The following CDH13 variants were observed in gnomAD, a reference collection of about 807,000 sequenced individuals.
The protein encoded by CDH13 is cadherin 13.
In CDH13, 24 loss-of-function variants were observed where a neutral mutation model predicts 63.8. The observed-to-expected ratio is 0.38, with a 90% CI of 0.27 to 0.53. The LOEUF (loss-of-function observed/expected upper bound fraction) is 0.53, where lower values mean the gene tolerates loss of function less well. Ranked by LOEUF, CDH13 falls within the 20% of genes least tolerant of loss-of-function variation. CDH13 has a pLI of 0.85. For synonymous variants in CDH13, 503 were observed against 355.3 expected (o/e 1.42, Z -4.67); for missense variants, 1,049 against 903.1 (o/e 1.16, Z -2.07).
intron 6 of CDH13, among the ~76,000 whole-genome samples, chr16:83,478,805 C>G (rs1414550309): frequency 1.4e-5 from 2 of 147,030 alleles, no homozygotes; most frequent in South Asian, 4.3e-4. Flanking sequence ...AACCTCCCAC[C>G]TGGCTGGCCA....
intron 2 of CDH13, among the ~76,000 whole-genome samples, chr16:82,872,802 A>G (rs1344621836): frequency 1.3e-5 from 2 of 152,208 alleles, no homozygotes; most frequent in Non-Finnish European, 2.9e-5. Context: ...TTGAGTCCCT[A>G]CCACTCATTT....
At chr16:82,687,980 A>G (rs1915253588) in intron 1 of CDH13, among the ~76,000 whole-genome samples, 1 of 152,198 alleles carries the variant, frequency 6.6e-6, no homozygotes, top group African/African-American at 2.4e-5. Flanking sequence ...GTCCATTGCC[A>G]CAATGAAACA....
chr16:83,097,673 T>C (rs1186469354), intron 3 of CDH13, among the ~76,000 whole-genome samples: 1 of 152,186 alleles, frequency 6.6e-6, no homozygotes, highest in East Asian at 1.9e-4. Context: ...ATGTGGGAAG[T>C]GCACTCTAGG....
chr16:83,471,722 A>G (rs1297737491), intron 6 of CDH13, among the ~76,000 whole-genome samples: 1 of 152,180 alleles, frequency 6.6e-6, no homozygotes, highest in East Asian at 1.9e-4. Context: ...CCTGGGCTCT[A>G]AACCACTACT....
intron 2 of CDH13, among the ~76,000 whole-genome samples, chr16:83,013,618 A>T (rs1914380758): frequency 6.6e-6 from 1 of 152,228 alleles, no homozygotes; most frequent in South Asian, 2.1e-4. Context: ...AAAGCAGATG[A>T]ACAGAAAATC....
At chr16:83,120,826 C>T (rs1393856857) in intron 3 of CDH13, among the ~76,000 whole-genome samples, 6 of 138,106 alleles carry the variant, frequency 4.3e-5, no homozygotes, top group Middle Eastern at 4.4e-3. Flanking sequence ...TACAGTGGCG[C>T]GATCTCAGCT....
intron 6 of CDH13, among the ~76,000 whole-genome samples, chr16:83,483,557 T>C (rs1286470989): frequency 2.6e-5 from 4 of 152,008 alleles, no homozygotes; most frequent in Admixed American, 1.3e-4. Context: ...ATGACTTCAA[T>C]TAAAGGCAGA....
intron 6 of CDH13, among the ~76,000 whole-genome samples, chr16:83,354,217 G>A (rs1484931464): frequency 6.6e-6 from 1 of 152,190 alleles, no homozygotes; most frequent in Non-Finnish European, 1.5e-5. Context: ...CAGCGCCGTT[G>A]GATCCTATCC....
intron 7 of CDH13, among the ~76,000 whole-genome samples, chr16:83,571,493 T>C (rs1904617394): frequency 6.6e-6 from 1 of 152,178 alleles, no homozygotes; most frequent in African/African-American, 2.4e-5. Context: ...AATCTAAGTT[T>C]AAGCAAATTT....
chr16:83,250,605 C>G (rs867718500), intron 5 of CDH13, among the ~76,000 whole-genome samples: 2 of 152,022 alleles, frequency 1.3e-5, no homozygotes, highest in South Asian at 4.2e-4. Context: ...TTTGGAGACT[C>G]CAGCAACCTT....
chr16:83,499,129 A>G (rs766921517), intron 7 of CDH13, among the ~76,000 whole-genome samples: 4 of 152,234 alleles, frequency 2.6e-5, no homozygotes, highest in Non-Finnish European at 5.9e-5. Flanking sequence ...TGAAATGGCC[A>G]ACCAGTGGGG....
At chr16:82,838,025 C>T (rs1334239022) in intron 1 of CDH13, among the ~76,000 whole-genome samples, 2 of 152,296 alleles carry the variant, frequency 1.3e-5, no homozygotes, top group Non-Finnish European at 2.9e-5. Flanking sequence ...TGGCTTCATC[C>T]CCAGTACTAC....
Position 83,201,635 on chromosome 16 carries a change from C to T in CDH13, c.484-15710C>T, listed in dbSNP as rs557755351. Among the ~76,000 whole-genome samples the T allele has an allele frequency of 1.4e-4, 21 of 151,942 alleles. No individual in the cohort carries two copies. The East Asian group carries it at 3.3e-3, about 24-fold the overall frequency. On this transcript the variant is annotated intron_variant, in intron 4 of 13. Coordinates refer to ENST00000567109, the MANE Select transcript of CDH13 (RefSeq NM_001257.5). ...AACGTTGGCTGGGCACGGTGGCTCA[C>T]GCCTGTAATCCCAGCACTTTGGGAG... is the stretch of plus-strand genomic sequence containing the variant.
At position 83,014,802 on chromosome 16, in the gene CDH13, A is replaced by ATATT. The variant is rs1275840104; in HGVS notation, c.158-17207_158-17206insATTT. ...TATATATATATATTTGTATATATAT[A>ATATT]TGTATATATATTTGTATATATATAT... On this transcript the variant is annotated intron_variant, in intron 2 of 13. Coordinates refer to ENST00000567109, the MANE Select transcript of CDH13 (RefSeq NM_001257.5). Among the ~76,000 whole-genome samples the ATATT allele has an allele frequency of 7.6e-5, 5 of 65,370 alleles. 1 individual carries two copies. Among genetic ancestry groups the ATATT allele is most frequent in the Non-Finnish European group, 1.1e-4 (4 of 36,424 alleles). 42.9% of individuals were successfully genotyped at this position (65,370 alleles called of 152,430 possible).
At chr16:83,088,302 T>G (rs1202656042) in intron 3 of CDH13, among the ~76,000 whole-genome samples, 1 of 152,222 alleles carries the variant, frequency 6.6e-6, no homozygotes, top group African/African-American at 2.4e-5. Context: ...TTATTAGGCT[T>G]ATAACTCACA....
chr16:83,403,147 G>T (rs777800968), intron 6 of CDH13, among the ~76,000 whole-genome samples: 1 of 152,088 alleles, frequency 6.6e-6, no homozygotes, highest in Non-Finnish European at 1.5e-5. Flanking sequence ...GAAATAATAC[G>T]TCTTGTGAGA....
chr16:83,564,035 C>T (rs1021938771), intron 7 of CDH13, among the ~76,000 whole-genome samples: 1 of 152,174 alleles, frequency 6.6e-6, no homozygotes, highest in Admixed American at 6.5e-5. Context: ...GATGTAGTAC[C>T]TTCCTCACAG....
chr16:83,707,373 T>G (rs1051817708), intron 10 of CDH13, among the ~76,000 whole-genome samples: 19 of 152,198 alleles, frequency 1.2e-4, no homozygotes, highest in Non-Finnish European at 2.6e-4. Context: ...TCTTAGCCAT[T>G]TCCATTTTGC....
chr16:82,951,992 A>C (rs970985111), intron 2 of CDH13, among the ~76,000 whole-genome samples: 4 of 152,184 alleles, frequency 2.6e-5, no homozygotes, highest in African/African-American at 4.8e-5. Flanking sequence ...ATCTCAACAC[A>C]TGTCACTTGG....
Sources: gnomAD v4.1 joint callset for allele counts (sites outside exome capture counted in the v4.1 genomes callset) on GRCh38, gnomAD v4.1.1 for gene constraint, MANE v1.5 for transcripts, NCBI Gene and HGNC (gene_info 2026-07-23, HGNC 2026-07-21) for gene names.